Variants in KCNK9 observed in about 807,000 individuals in gnomAD.
KCNK9 encodes the protein potassium two pore domain channel subfamily K member 9, also known as potassium channel subfamily K member 9.
In KCNK9, 1 loss-of-function variant was observed where a neutral mutation model predicts 10.8. That is an observed-to-expected ratio of 0.09 (90% CI 0.03 to 0.44). KCNK9 has a LOEUF of 0.44. Ranked by LOEUF, KCNK9 falls within the 20% of genes least tolerant of loss-of-function variation. The pLI is 0.97. For synonymous variants in KCNK9, 231 were observed against 222.7 expected (o/e 1.04, Z -0.33); for missense variants, 303 against 515.0 (o/e 0.59, Z 3.98).
intron 1 of KCNK9, among the ~76,000 whole-genome samples, chr8:139,642,899 C>T (rs946006782): frequency 5.3e-5 from 8 of 152,168 alleles, no homozygotes; most frequent in African/African-American, 1.9e-4. Context: ...GGAAGCATAG[C>T]TGTTGGCAGA....
At chr8:139,633,924 C>G (rs1815254154) in intron 1 of KCNK9, among the ~76,000 whole-genome samples, 1 of 152,258 alleles carries the variant, frequency 6.6e-6, no homozygotes, top group Admixed American at 6.5e-5. Context: ...CCTTTGGTTC[C>G]CCAGAAGCCC....
intron 1 of KCNK9, among the ~76,000 whole-genome samples, chr8:139,686,132 A>C (rs1288556056): frequency 2.0e-5 from 3 of 152,236 alleles, no homozygotes; most frequent in Admixed American, 1.3e-4. Context: ...TTAAAGACTT[A>C]AATGTAAGAC....
At chr8:139,641,356 C>T (rs560237662) in intron 1 of KCNK9, among the ~76,000 whole-genome samples, 7 of 152,340 alleles carry the variant, frequency 4.6e-5, no homozygotes, top group African/African-American at 1.7e-4. Flanking sequence ...CTCCCGCCTG[C>T]AGCCAAGAGC....
intron 1 of KCNK9, among the ~76,000 whole-genome samples, chr8:139,657,688 A>G (rs1344839276): frequency 1.3e-5 from 2 of 152,216 alleles, no homozygotes; most frequent in Non-Finnish European, 2.9e-5. Flanking sequence ...CCCTTTCCCC[A>G]TATGCAGAAT....
intron 2 of KCNK9, among the ~76,000 whole-genome samples, chr8:139,604,526 C>G (rs1166691095): frequency 1.3e-5 from 2 of 152,178 alleles, no homozygotes; most frequent in Admixed American, 6.5e-5. Flanking sequence ...CAGATAGGAG[C>G]AAAGCTGACC....
At chr8:139,649,732 T>C (rs942117811) in intron 1 of KCNK9, among the ~76,000 whole-genome samples, 3 of 152,242 alleles carry the variant, frequency 2.0e-5, no homozygotes, top group Admixed American at 6.5e-5. Context: ...AATTCTCAGC[T>C]GTGTAACCCT....
chr8:139,665,276 T>C (rs1038602971), intron 1 of KCNK9, among the ~76,000 whole-genome samples: 1 of 152,196 alleles, frequency 6.6e-6, no homozygotes, highest in African/African-American at 2.4e-5. Context: ...GCATGGCTCA[T>C]AGATGGCCCC....
chr8:139,646,240 C>T (rs765013339), intron 1 of KCNK9, among the ~76,000 whole-genome samples: 13 of 152,372 alleles, frequency 8.5e-5, no homozygotes, highest in Middle Eastern at 6.8e-3. Context: ...TTCTTTGGAG[C>T]TCATGGAACC....
At chr8:139,691,339 G>T (rs1338648715) in intron 1 of KCNK9, among the ~76,000 whole-genome samples, 1 of 152,208 alleles carries the variant, frequency 6.6e-6, no homozygotes, top group African/African-American at 2.4e-5. Flanking sequence ...CCTTTCCAAG[G>T]CCACCTGAAG....
chr8:139,653,678 T>C (rs939095163), intron 1 of KCNK9, among the ~76,000 whole-genome samples: 3 of 152,214 alleles, frequency 2.0e-5, no homozygotes, highest in African/African-American at 4.8e-5. Context: ...ACTTGTTTAA[T>C]AGATACTCAA....
At chr8:139,682,918 G>A (rs1252944115) in intron 1 of KCNK9, among the ~76,000 whole-genome samples, 1 of 150,544 alleles carries the variant, frequency 6.6e-6, no homozygotes, top group Non-Finnish European at 1.5e-5. Flanking sequence ...TGCCCAGAAT[G>A]GATCTAGACT....
intron 1 of KCNK9, among the ~76,000 whole-genome samples, chr8:139,647,758 G>GA (rs1355970739): frequency 3.7e-5 from 2 of 53,500 alleles, no homozygotes; most frequent in Non-Finnish European, 3.5e-5. Flanking sequence ...CCAGAGTTCT[G>GA]AGCCCTAAGG....
At chr8:139,613,133 C>T (rs141599600), downstream of KCNK9, among the ~76,000 whole-genome samples, 796 of 152,276 alleles carry the variant, frequency 5.2e-3, 14 homozygotes, top group Non-Finnish European at 2.6e-3. Flanking sequence ...TTGTTCATGG[C>T]GGACAATTTC....
intron 1 of KCNK9, among the ~76,000 whole-genome samples, chr8:139,629,144 G>A (rs150067932): frequency 6.6e-6 from 1 of 152,348 alleles, no homozygotes; most frequent in Non-Finnish European, 1.5e-5. Flanking sequence ...GGATTGGAAG[G>A]CTGAGCCTCG....
intron 2 of KCNK9, among the ~76,000 whole-genome samples, chr8:139,603,572 G>A (rs1316267477): frequency 6.6e-6 from 1 of 152,198 alleles, no homozygotes; most frequent in Non-Finnish European, 1.5e-5. Flanking sequence ...GAGTAGGCCT[G>A]TCTACAATGA....
chr8:139,646,526 A>G (rs1013105035), intron 1 of KCNK9, among the ~76,000 whole-genome samples: 13 of 152,226 alleles, frequency 8.5e-5, no homozygotes, highest in Non-Finnish European at 1.8e-4. Flanking sequence ...CTTTTCATCA[A>G]TGACTTGGAA....
downstream of KCNK9, among the ~76,000 whole-genome samples, chr8:139,614,115 C>T (rs902991011): frequency 1.3e-5 from 2 of 152,162 alleles, no homozygotes; most frequent in African/African-American, 4.8e-5. Flanking sequence ...TCTGAGAAAC[C>T]CTGTTCTTCC....
intron 1 of KCNK9, among the ~76,000 whole-genome samples, chr8:139,670,617 C>T (rs7004779): frequency 0.048 from 7,265 of 152,082 alleles, 371 homozygotes; most frequent in African/African-American, 0.13. Context: ...ATTTGGGTTT[C>T]GGAGAGGATC....
intron 1 of KCNK9, among the ~76,000 whole-genome samples, chr8:139,687,944 G>A (rs1184099350): frequency 6.6e-6 from 1 of 151,738 alleles, no homozygotes; most frequent in Admixed American, 6.6e-5. Context: ...ATTTATACAT[G>A]CATCATTATC....
Sources: gnomAD v4.1 joint callset for allele counts (sites outside exome capture counted in the v4.1 genomes callset) on GRCh38, gnomAD v4.1.1 for gene constraint, MANE v1.5 for transcripts, NCBI Gene and HGNC (gene_info 2026-07-23, HGNC 2026-07-21) for gene names.